Variants in DLGAP1 observed in about 807,000 individuals in gnomAD.
DLGAP1 encodes the protein disks large-associated protein 1.
DLGAP1 carries 11 observed loss-of-function variants against 90.8 expected under a neutral mutation model. That is an observed-to-expected ratio of 0.12 (90% CI 0.08 to 0.20). The LOEUF is 0.20. Ranked by LOEUF, DLGAP1 falls within the 10% of genes least tolerant of loss-of-function variation. The pLI is 1.00. For synonymous variants in DLGAP1, 558 were observed against 540.7 expected (o/e 1.03, Z -0.44); for missense variants, 1,050 against 1,333.8 (o/e 0.79, Z 3.31).
chr18:4,313,366 T>G (rs73942776), intron 1 of DLGAP1, among the ~76,000 whole-genome samples: 1 of 152,076 alleles, frequency 6.6e-6, no homozygotes, highest in East Asian at 1.9e-4. Flanking sequence ...GTTGGTACCG[T>G]TGAGAAATGG....
intron 1 of DLGAP1, among the ~76,000 whole-genome samples, chr18:4,336,112 T>C (rs1321794773): frequency 2.0e-5 from 3 of 152,232 alleles, no homozygotes; most frequent in African/African-American, 4.8e-5. Context: ...TCTATTACAG[T>C]GCACGTGCCG....
chr18:3,844,425 C>A (rs143388795), intron 4 of DLGAP1, among the ~76,000 whole-genome samples: 1,908 of 152,302 alleles, frequency 0.013, 29 homozygotes, highest in Non-Finnish European at 0.018. Context: ...TGATGAAAAT[C>A]AAAATCCCCG....
Position 4,276,636 on chromosome 18 carries a change from GA to G in DLGAP1, c.-266-125350del, listed in dbSNP as rs148054224. On this transcript the variant is annotated intron_variant, in intron 1 of 12. Coordinates refer to ENST00000315677, the MANE Select transcript of DLGAP1 (RefSeq NM_004746.4). ...GGATGACAGAGCAAGACACCAGCTTGAAAAAAAAAAAATAAACAAATATATT... is the reference window on the plus strand; with the variant it reads ...GGATGACAGAGCAAGACACCAGCTTGAAAAAAAAAAATAAACAAATATATT... Among the ~76,000 whole-genome samples, 195 of 143,738 alleles carry G rather than the reference GA, an allele frequency of 1.4e-3. 1 individual carries two copies. The highest frequency in any genetic ancestry group is 8.5e-3 in the East Asian group (42 of 4,928). 94.3% of individuals were successfully genotyped at this position (143,738 alleles called of 152,430 possible).
intron 3 of DLGAP1, among the ~76,000 whole-genome samples, chr18:3,988,788 C>T (rs2073896696): frequency 1.3e-5 from 2 of 152,130 alleles, no homozygotes; most frequent in South Asian, 2.1e-4. Context: ...GCTGGGGACC[C>T]CTAGCTTATA....
At chr18:3,816,089 TA>T (rs200024908) in intron 4 of DLGAP1, among the ~76,000 whole-genome samples, 66 of 151,704 alleles carry the variant, frequency 4.4e-4, no homozygotes, top group East Asian at 4.1e-3. Flanking sequence ...TTAACTGTGC[TA>T]AAAAAAAATT....
intron 2 of DLGAP1, among the ~76,000 whole-genome samples, chr18:4,061,680 T>C (rs2075300566): frequency 6.6e-6 from 1 of 152,198 alleles, no homozygotes; most frequent in African/African-American, 2.4e-5. Flanking sequence ...ATAAGTGTGT[T>C]ACTGGTATGT....
At chr18:3,786,515 T>C (rs1479276325) in intron 5 of DLGAP1, among the ~76,000 whole-genome samples, 1 of 152,174 alleles carries the variant, frequency 6.6e-6, no homozygotes, top group East Asian at 1.9e-4. Flanking sequence ...TGGAAAAGGC[T>C]ATCAGTGGTA....
At chr18:4,225,347 A>T (rs1192859302) in intron 1 of DLGAP1, among the ~76,000 whole-genome samples, 2 of 152,048 alleles carry the variant, frequency 1.3e-5, no homozygotes, top group African/African-American at 4.8e-5. Context: ...AAACAAGCCC[A>T]GACTGTGAAA....
At position 3,896,938 on chromosome 18, in the gene DLGAP1, T is replaced by TTCTTTAAA. The variant is rs1190297078; in HGVS notation, c.-72-16799_-72-16798insTTTAAAGA. 3.3e-5 allele frequency: 5 copies of TTCTTTAAA among 152,470 alleles called. No individual in the cohort carries two copies. In the East Asian group the frequency reaches 9.6e-4, roughly 29 times the overall value. 9.4% of individuals were successfully genotyped at this position (152,470 alleles called of 1,614,324 possible). On this transcript the variant is annotated intron_variant, in intron 3 of 12. Transcript: ENST00000315677. ...GGTTACACAAAGAGGTTAAGAAGAA[T>TTCTTTAAA]TTGAACATTCAGGCCTTGCTGGGTT... is the stretch of plus-strand genomic sequence containing the variant.
At chr18:4,203,263 AT>A in intron 1 of DLGAP1, among the ~76,000 whole-genome samples, 1 of 144,478 alleles carries the variant, frequency 6.9e-6, no homozygotes, top group Non-Finnish European at 1.5e-5. Flanking sequence ...CAACAGAGAG[AT>A]TAAAAAAAAA....
chr18:3,833,896 A>G (rs1317988718), intron 4 of DLGAP1, among the ~76,000 whole-genome samples: 1 of 152,382 alleles, frequency 6.6e-6, no homozygotes, highest in East Asian at 1.9e-4. Flanking sequence ...TAATTTGATT[A>G]GCAATGAAAA....
At chr18:3,926,788 C>T (rs1283128484) in intron 3 of DLGAP1, among the ~76,000 whole-genome samples, 1 of 151,928 alleles carries the variant, frequency 6.6e-6, no homozygotes, top group Non-Finnish European at 1.5e-5. Flanking sequence ...CCTATAGCAC[C>T]CAGGAGTTGA....
rs1474201674 is a variant in DLGAP1 at position 4,378,842 on chromosome 18, T to G, written c.-267+76164A>C. ...CCATGAACCTCATTCATTCTTACTA[T>G]TTAGCTCTGCATTTAATAAACTTGG... On this transcript the variant is annotated intron_variant, in intron 1 of 12. Coordinates refer to ENST00000315677, the MANE Select transcript of DLGAP1 (RefSeq NM_004746.4). The surrounding 1 kb of genome is among the most constrained non-coding windows in gnomAD (Gnocchi z 4.5). Among the ~76,000 whole-genome samples, 1 of 152,150 alleles carries G rather than the reference T, an allele frequency of 6.6e-6. No individual in the cohort carries two copies. Among genetic ancestry groups the G allele is most frequent in the African/African-American group, 2.4e-5 (1 of 41,460 alleles).
chr18:3,670,393 C>G (rs1452517580), intron 7 of DLGAP1, among the ~76,000 whole-genome samples: 1 of 152,102 alleles, frequency 6.6e-6, no homozygotes, highest in Admixed American at 6.5e-5. Context: ...CCAATGAACA[C>G]TTTTTGACTT....
rs545769481 is a variant in DLGAP1 at position 3,848,619 on chromosome 18, C to T, written c.957+30493G>A. ...AAAAGTACTGGGCTCCTGTAGAGTT[C>T]TGTACTTCAGTGAATGGAACAACTG... On this transcript the variant is annotated intron_variant, in intron 4 of 12. Transcript: ENST00000315677. 9.2e-5 allele frequency among the ~76,000 whole-genome samples: 14 copies of T among 152,278 alleles called. No homozygotes were observed. In the South Asian group the frequency reaches 2.9e-3, roughly 32 times the overall value.
chr18:3,726,263 C>T (rs2062173883), intron 7 of DLGAP1, among the ~76,000 whole-genome samples: 2 of 152,146 alleles, frequency 1.3e-5, no homozygotes, highest in African/African-American at 4.8e-5. Flanking sequence ...AAAGTCATTT[C>T]TCAATTTTCA....
chr18:3,868,891 G>A (rs1481638505), intron 4 of DLGAP1, among the ~76,000 whole-genome samples: 1 of 152,158 alleles, frequency 6.6e-6, no homozygotes, highest in African/African-American at 2.4e-5. Flanking sequence ...TTGGGCACGA[G>A]CAAAGAAGAG....
Position 3,879,921 on chromosome 18 carries a change from G to T in DLGAP1, c.148C>A (p.Arg50=), listed in dbSNP as rs781481052. 3 of 1,612,634 alleles carry T rather than the reference G, an allele frequency of 1.9e-6. No homozygotes were observed. Among genetic ancestry groups the T allele is most frequent in the South Asian group, 2.2e-5 (2 of 91,072 alleles). ...HPADHPYYTQ[R]NSFQAECVGP... Reference sequence around the variant, plus strand: ...ACGCACTCAGCCTGGAAGGAGTTCCGCTGGGTGTAGTATGGGTGGTCTGCG... The same window carrying T: ...ACGCACTCAGCCTGGAAGGAGTTCCTCTGGGTGTAGTATGGGTGGTCTGCG... Residue 50 remains arginine, a synonymous_variant, in exon 4 of 13, where the codon CGG becomes AGG. Transcript: ENST00000315677. This position sits in a 1 kb window ranked among gnomAD's most constrained non-coding sequence, Gnocchi z 6.6.
chr18:3,666,139 G>C (rs2059874805), intron 7 of DLGAP1, among the ~76,000 whole-genome samples: 1 of 152,170 alleles, frequency 6.6e-6, no homozygotes, highest in Admixed American at 6.5e-5. Flanking sequence ...CTACCCGAGA[G>C]CTGGTTAGAA....
Sources: allele counts gnomAD v4.1 joint callset (sites outside exome capture counted in the v4.1 genomes callset), GRCh38; gene constraint gnomAD v4.1.1; non-coding constraint Gnocchi (gnomAD v3.1); transcripts MANE v1.5; gene names NCBI Gene and HGNC (gene_info 2026-07-23, HGNC 2026-07-21).